Variants in SH3GL2 observed in about 807,000 individuals in gnomAD.
SH3GL2 encodes SH3 domain containing GRB2 like 2, endophilin A1.
A neutral mutation model predicts 46.0 loss-of-function variants in SH3GL2; 24 were observed. That is an observed-to-expected ratio of 0.52 (90% CI 0.38 to 0.73). The LOEUF (loss-of-function observed/expected upper bound fraction) is 0.73, where lower values mean the gene tolerates loss of function less well. SH3GL2 is among the 30% of genes least tolerant of loss of function. SH3GL2 has a pLI of 0.00. For missense variants in SH3GL2, 413 were observed against 424.2 expected, an observed-to-expected ratio of 0.97 and a Z score of 0.23; for synonymous variants, 196 against 147.1, an observed-to-expected ratio of 1.33 and a Z score of -2.40.
chr9:17,635,832 A>T (rs946033791), intron 1 of SH3GL2, among the ~76,000 whole-genome samples: 1 of 152,094 alleles, frequency 6.6e-6, no homozygotes, highest in African/African-American at 2.4e-5. Flanking sequence ...GTTGCTTCCA[A>T]CTCAAGTTGA....
chr9:17,593,831 G>T (rs1440146485), intron 1 of SH3GL2, among the ~76,000 whole-genome samples: 2 of 152,096 alleles, frequency 1.3e-5, no homozygotes, highest in African/African-American at 2.4e-5. Context: ...AGGCTGTGTG[G>T]CACAAGATCA....
chr9:17,679,635 G>A (rs996102013), intron 1 of SH3GL2, among the ~76,000 whole-genome samples: 98 of 152,250 alleles, frequency 6.4e-4, no homozygotes, highest in Non-Finnish European at 1.1e-3. Flanking sequence ...TCTCCTGCCT[G>A]ATTGCCCTGG....
At chr9:17,784,078 G>A (rs1823887807) in intron 3 of SH3GL2, among the ~76,000 whole-genome samples, 1 of 152,126 alleles carries the variant, frequency 6.6e-6, no homozygotes, top group African/African-American at 2.4e-5. Flanking sequence ...TAATAAATTT[G>A]TGAATGAACT....
At chr9:17,790,417 A>AG in intron 6 of SH3GL2, 1 of 984,696 alleles carries the variant, frequency 1.0e-6, no homozygotes, top group Non-Finnish European at 1.2e-6. Flanking sequence ...TGACTGTGGC[A>AG]GGGGAAGTGT....
At chr9:17,616,782 A>T (rs1335145854) in intron 1 of SH3GL2, among the ~76,000 whole-genome samples, 2 of 152,082 alleles carry the variant, frequency 1.3e-5, no homozygotes, top group Non-Finnish European at 2.9e-5. Context: ...AGATTTTTGC[A>T]TCTTATTGTC....
intron 3 of SH3GL2, among the ~76,000 whole-genome samples, chr9:17,768,864 T>C (rs1426681001): frequency 2.0e-5 from 3 of 152,222 alleles, no homozygotes; most frequent in Admixed American, 2.0e-4. Flanking sequence ...AACAAATCTC[T>C]TGAGAAGTTC....
At chr9:17,700,458 G>A (rs1222401374) in intron 1 of SH3GL2, among the ~76,000 whole-genome samples, 2 of 152,208 alleles carry the variant, frequency 1.3e-5, no homozygotes, top group African/African-American at 2.4e-5. Flanking sequence ...CTAGAGGAGC[G>A]GAAGATCTGC....
At chr9:17,726,909 T>C (rs1462536545) in intron 1 of SH3GL2, among the ~76,000 whole-genome samples, 1 of 152,134 alleles carries the variant, frequency 6.6e-6, no homozygotes, top group Non-Finnish European at 1.5e-5. Context: ...CAAAATAGGT[T>C]GAATATTATA....
rs958914270 is a variant in SH3GL2 at position 17,733,013 on chromosome 9, C to A, written c.46-14053C>A. On this transcript the variant is annotated intron_variant, in intron 1 of 8. Coordinates refer to ENST00000380607, the MANE Select transcript of SH3GL2 (RefSeq NM_003026.5). ...GTCACTTCACTCCCCACGTCCTTGG[C>A]AGTTCTTACTGCTGCTGCCTTCCCC... Among the ~76,000 whole-genome samples, 3 of 152,200 alleles carry A rather than the reference C, an allele frequency of 2.0e-5. No individual in the cohort carries two copies. The South Asian group carries it at 6.2e-4, about 32-fold the overall frequency.
At chr9:17,701,780 C>T (rs1821348177) in intron 1 of SH3GL2, among the ~76,000 whole-genome samples, 1 of 151,942 alleles carries the variant, frequency 6.6e-6, no homozygotes, top group African/African-American at 2.4e-5. Context: ...AAATATAACA[C>T]ATGTATGATT....
intron 1 of SH3GL2, among the ~76,000 whole-genome samples, chr9:17,689,507 G>T (rs7860084): frequency 6.6e-6 from 1 of 151,778 alleles, no homozygotes; most frequent in Non-Finnish European, 1.5e-5. Context: ...GCCCAGTGCA[G>T]ATGACCCCTC....
intron 1 of SH3GL2, among the ~76,000 whole-genome samples, chr9:17,599,153 CT>C (rs1252075767): frequency 6.6e-6 from 1 of 152,050 alleles, no homozygotes; most frequent in African/African-American, 2.4e-5. Flanking sequence ...TAAATTTTAA[CT>C]AGTTGGAAAA....
chr9:17,630,778 C>G (rs892046590), intron 1 of SH3GL2, among the ~76,000 whole-genome samples: 1 of 152,016 alleles, frequency 6.6e-6, no homozygotes, highest in Admixed American at 6.6e-5. Flanking sequence ...TCTCCAAATG[C>G]CATTTGGAAG....
chr9:17,768,497 C>T (rs897334549), intron 3 of SH3GL2, among the ~76,000 whole-genome samples: 15 of 151,666 alleles, frequency 9.9e-5, no homozygotes, highest in Admixed American at 1.3e-4. Context: ...TCCCTAAATA[C>T]TATAAATAAA....
At chr9:17,670,762 GT>G (rs1045788354) in intron 1 of SH3GL2, among the ~76,000 whole-genome samples, 4 of 152,166 alleles carry the variant, frequency 2.6e-5, no homozygotes, top group Admixed American at 6.5e-5. Flanking sequence ...AATTATGAAA[GT>G]TTTTTTCCTC....
chr9:17,580,798 C>G (rs1473753521), intron 1 of SH3GL2, among the ~76,000 whole-genome samples: 2 of 152,192 alleles, frequency 1.3e-5, no homozygotes, highest in African/African-American at 4.8e-5. Flanking sequence ...TTTGATTGCT[C>G]TACTGGTCAC....
intron 1 of SH3GL2, among the ~76,000 whole-genome samples, chr9:17,739,770 A>C (rs1163971013): frequency 1.3e-5 from 2 of 152,064 alleles, no homozygotes; most frequent in African/African-American, 4.8e-5. Flanking sequence ...CTCTATTATA[A>C]ATTTTTCCAA....
chr9:17,692,167 TA>T (rs1821096778), intron 1 of SH3GL2, among the ~76,000 whole-genome samples: 1 of 152,052 alleles, frequency 6.6e-6, no homozygotes, highest in African/African-American at 2.4e-5. Flanking sequence ...ATGCAGATGT[TA>T]AAAAAGTAGA....
At chr9:17,758,465 G>A (rs527528074) in intron 2 of SH3GL2, among the ~76,000 whole-genome samples, 1 of 149,414 alleles carries the variant, frequency 6.7e-6, no homozygotes, top group Non-Finnish European at 1.5e-5. Context: ...GGGAAGCTGG[G>A]GAGGGAGAAT....
Sources: gnomAD v4.1 joint callset for allele counts (sites outside exome capture counted in the v4.1 genomes callset) on GRCh38, gnomAD v4.1.1 for gene constraint, MANE v1.5 for transcripts, NCBI Gene and HGNC (gene_info 2026-07-23, HGNC 2026-07-21) for gene names.